The following FLII variants were observed in gnomAD, a reference collection of about 807,000 sequenced individuals.
The protein encoded by FLII is protein flightless-1 homolog.
In FLII, 101 loss-of-function variants were observed where a neutral mutation model predicts 156.2. That is an observed-to-expected ratio of 0.65 (90% CI 0.55 to 0.76). The LOEUF (loss-of-function observed/expected upper bound fraction) is 0.76, where lower values mean the gene tolerates loss of function less well. FLII is among the 30% of genes least tolerant of loss of function. FLII has a pLI of 0.00. For synonymous variants in FLII, 767 were observed against 685.8 expected, an observed-to-expected ratio of 1.12 and a Z score of -1.85; for missense variants, 1,675 against 1,682.8, an observed-to-expected ratio of 1.00 and a Z score of 0.08.
intron 21 of FLII, 46 bp downstream of exon 21, chr17:18,247,123 G>GCCC (rs765734701): frequency 8.0e-5 from 100 of 1,249,120 alleles, no homozygotes; most frequent in Admixed American, 2.1e-4. Flanking sequence ...CCCTCGGCCT[G>GCCC]CCCCCCACCC....
chr17:18,256,592 G>A lies in FLII; in HGVS notation c.180C>T (p.His60=), dbSNP rs201436829. ...TCAGGTTGTTGTGGCTCACAGACAA[G>A]TGTTCCTGGGCCGGAATGGGGAGCA... The part of the protein sequence containing the change: ...EELAALQKLE[H]LSVSHNNLTT... The change falls in exon 3 of 30, where the codon CAC becomes CAT. Residue 60 remains histidine (H), a synonymous_variant. Transcript: ENST00000327031. 1.0e-5 allele frequency: 16 copies of A among 1,551,652 alleles called. No individual in the cohort carries two copies. In the East Asian group the frequency reaches 3.7e-4, roughly 36 times the overall value.
In FLII at chr17:18,258,365, T is replaced by G; in HGVS notation, c.63+263A>C. 4.5e-6 allele frequency: 4 copies of G among 897,308 alleles called. No individual in the cohort carries two copies. Among genetic ancestry groups the G allele is most frequent in the Non-Finnish European group, 6.6e-6 (4 of 607,762 alleles). The allele number at this position is 897,308 out of a possible 1,614,324, so 55.6% of individuals were successfully genotyped here. A position where few individuals can be genotyped will look rare whatever the true frequency, so the allele number is the denominator to read the frequency against. On this transcript the variant is annotated intron_variant, in intron 1 of 29. Coordinates refer to ENST00000327031, the MANE Select transcript of FLII (RefSeq NM_002018.4). The surrounding 1 kb of genome is among the most constrained non-coding windows in gnomAD (Gnocchi z 4.2). ...CTAGACCGAGAACACGGACGCGGGG[T>G]GGGGGCTCCCGGCCGGGCCCCCGGC...
chr17:18,258,538 G>A lies in FLII; in HGVS notation c.63+90C>T, dbSNP rs2048498524. On this transcript the variant is annotated intron_variant, in intron 1 of 29. Transcript: ENST00000327031. This position sits in a 1 kb window ranked among gnomAD's most constrained non-coding sequence, Gnocchi z 4.2. ...CAGTCCCTGGGACACGCAGGGCCTGGAGCCGAGCGGGACAGGAAGCGGAGG... is the reference window on the plus strand; with the variant it reads ...CAGTCCCTGGGACACGCAGGGCCTGAAGCCGAGCGGGACAGGAAGCGGAGG... 12 of 1,516,824 alleles carry A rather than the reference G, an allele frequency of 7.9e-6. No homozygotes were observed. Among genetic ancestry groups the A allele is most frequent in the Non-Finnish European group, 9.7e-6 (11 of 1,139,348 alleles). 94.0% of individuals were successfully genotyped at this position (1,516,824 alleles called of 1,614,324 possible).
In FLII at chr17:18,246,138, C is replaced by T. The variant is rs376365504; in HGVS notation, c.3267+24G>A. The stretch of plus-strand genomic sequence containing the variant: ...CACCCCACCCCTTGGTCCACGGAGT[C>T]CTGGCTCACACCCACAACCCCACCT... On this transcript the variant is annotated intron_variant, in intron 25 of 29. Transcript: ENST00000327031. 1.7e-5 allele frequency: 28 copies of T among 1,614,170 alleles called. 1 individual carries two copies. In the African/African-American group the frequency reaches 3.6e-4, roughly 21 times the overall value.
intron 18 of FLII, 24 bp downstream of exon 18, chr17:18,248,526 G>C: frequency 6.3e-7 from 1 of 1,579,552 alleles, no homozygotes. Flanking sequence ...GGAGGCCAAG[G>C]TGGGCCTCAG....
At position 18,254,193 on chromosome 17, in the gene FLII, G is replaced by C. The variant is rs755642491; in HGVS notation, c.576-11C>G. 2 of 1,596,386 alleles carry C rather than the reference G, an allele frequency of 1.3e-6. No individual in the cohort carries two copies. The highest frequency in any genetic ancestry group is 2.2e-5 in the South Asian group (2 of 89,362). On this transcript the variant is annotated splice_polypyrimidine_tract_variant and intron_variant, in intron 6 of 29. Coordinates refer to ENST00000327031, the MANE Select transcript of FLII (RefSeq NM_002018.4). ...ATCGCTGGGAGCTGCCTGCCAGGGT[G>C]ACGTGAGTGGTCAGGGCCAGGGCCC...
intron 10 of FLII, 41 bp downstream of exon 10, chr17:18,252,431 G>C: frequency 6.3e-7 from 1 of 1,580,528 alleles, no homozygotes; most frequent in African/African-American, 1.3e-5. Flanking sequence ...CACACCCCTT[G>C]CTTGTCTCTC....
Position 18,258,394 on chromosome 17 carries a change from A to C in FLII, c.63+234T>G. 8.0e-7 allele frequency: 1 copy of C among 1,243,364 alleles called. No homozygotes were observed. 77.0% of individuals were successfully genotyped at this position (1,243,364 alleles called of 1,614,324 possible). A position where few individuals can be genotyped will look rare whatever the true frequency, so the allele number is the denominator to read the frequency against. On this transcript the variant is annotated intron_variant, in intron 1 of 29. Transcript: ENST00000327031. The surrounding 1 kb of genome is among the most constrained non-coding windows in gnomAD (Gnocchi z 4.2). The stretch of plus-strand genomic sequence containing the variant: ...GGCTCCCGGCCGGGCCCCCGGCGGG[A>C]CTCCGAGCCCAAGCGTCCGTCCCCG...
rs2048482148 is a variant in FLII, at chr17:18,258,141, G to T, written c.63+487C>A. 6.6e-6 allele frequency among the ~76,000 whole-genome samples: 1 copy of T among 152,256 alleles called. No individual in the cohort carries two copies. Among genetic ancestry groups the T allele is most frequent in the Non-Finnish European group, 1.5e-5 (1 of 68,042 alleles). ...CCCTTCACCGGCTGAGAAAGCCTAG[G>T]CTCTGAGAGGGGAAGTGATCTGAGA... On this transcript the variant is annotated intron_variant, in intron 1 of 29. Coordinates refer to ENST00000327031, the MANE Select transcript of FLII (RefSeq NM_002018.4). This position sits in a 1 kb window ranked among gnomAD's most constrained non-coding sequence, Gnocchi z 4.2.
rs1370015912 is a variant in FLII at position 18,251,353 on chromosome 17, A to G, written c.1508T>C (p.Ile503Thr). ...AGGCACGAAGTTCTCTATCTGCCAG[A>G]TGGTCAGTCCGGGCAGCTGGCCCAC... ...EDVGQLPGLT[I>T]WQIENFVPVL... is the part of the protein sequence containing the mutation. The change falls in exon 13 of 30, where the codon ATC (isoleucine) becomes ACC (threonine). Residue 503 changes from isoleucine (I) to threonine (T), a missense_variant. By Grantham distance (89) the Ile-to-Thr change is moderately conservative (BLOSUM62 -1). This residue lies in a region of FLII where 1,332 missense variants were observed against 1,269.3 expected (regional missense o/e 1.05). Transcript: ENST00000327031. The G allele has an allele frequency of 2.5e-6, 4 of 1,613,700 alleles. No homozygotes were observed. The highest frequency in any genetic ancestry group is 2.2e-5 in the South Asian group (2 of 91,086).
chr17:18,246,132 C>T (rs1014036905), intron 25 of FLII, 30 bp downstream of exon 25: 6 of 1,614,158 alleles, frequency 3.7e-6, no homozygotes, highest in East Asian at 2.2e-5. Context: ...CCTTGGTCCA[C>T]GGAGTCCTGG....
chr17:18,246,747 T>C lies in FLII; in HGVS notation c.2898A>G (p.Glu966=). 1.9e-6 allele frequency: 3 copies of C among 1,613,798 alleles called. No homozygotes were observed. The highest frequency in any genetic ancestry group is 4.5e-5 in the East Asian group (2 of 44,866). Residue 966 remains glutamate, a synonymous_variant, in exon 23 of 30, where the codon GAA becomes GAG. Transcript: ENST00000327031. ...EEKAEGKEGE[E]ATAEAEEKQP... is the part of the protein sequence containing the mutation. The stretch of plus-strand genomic sequence containing the variant: ...GCTTCTCCTCTGCCTCAGCGGTTGC[T>C]TCCTCGCCTTCTTTGCCCTCGGCCT...
Position 18,246,296 on chromosome 17 carries a change from C to A in FLII, c.3206+12G>T. The A allele has an allele frequency of 1.2e-6, 2 of 1,613,960 alleles. No individual in the cohort carries two copies. The highest frequency in any genetic ancestry group is 1.1e-5 in the South Asian group (1 of 91,084). ...CGCTTGCTCGCCACTGCGTCCTCCCCCAGCCAGGCACCGGGTGCAGAGGGC... is the reference window on the plus strand; with the variant it reads ...CGCTTGCTCGCCACTGCGTCCTCCCACAGCCAGGCACCGGGTGCAGAGGGC... On this transcript the variant is annotated intron_variant, in intron 24 of 29. Transcript: ENST00000327031.
At chr17:18,248,195 G>A (rs1176221488) in intron 18 of FLII, among the ~76,000 whole-genome samples, 162 bp from the exon 19 acceptor site, 1 of 152,142 alleles carries the variant, frequency 6.6e-6, no homozygotes, top group Non-Finnish European at 1.5e-5. Flanking sequence ...CTTTCAGAAG[G>A]GCTTTTAAAT....
intron 25 of FLII, 36 bp from the exon 26 acceptor site, chr17:18,246,098 G>C (rs2048040851): frequency 2.5e-6 from 4 of 1,614,100 alleles, no homozygotes; most frequent in Non-Finnish European, 3.4e-6. Context: ...GTTCGCAGCT[G>C]ACTCAGCCCC....
rs200445567 is a variant in FLII, at chr17:18,248,661, C to T, written c.2079G>A (p.Leu693=). The T allele has an allele frequency of 1.3e-4, 209 of 1,614,044 alleles. 1 individual carries two copies. The highest frequency in any genetic ancestry group is 3.4e-6 in the Non-Finnish European group (4 of 1,179,970). The change falls in exon 18 of 30, where the codon CTG becomes CTA. Residue 693 remains leucine, a synonymous_variant. Transcript: ENST00000327031. The part of the protein sequence containing the change: ...ERKGKAEITL[L]VQGQELPEFW... The stretch of plus-strand genomic sequence containing the variant: ...ACTCTGGGAGCTCCTGGCCCTGCAC[C>T]AGCAGTGTGATCTCAGCCTTCCCTT...
rs747048821 is a variant in FLII, at chr17:18,252,076, T to TACC, written c.1166_1168dup (p.Trp389dup). The TACC allele has an allele frequency of 6.2e-7, 1 of 1,613,444 alleles. No homozygotes were observed. The highest frequency in any genetic ancestry group is 1.1e-5 in the South Asian group (1 of 91,090). The stretch of plus-strand genomic sequence containing the variant: ...GTTCTGCAGCGAGAAGTCGATGTTG[T>TACC]ACCACTCAGCGGCACGGTCTGCGGG... On this transcript the variant is annotated inframe_insertion, in exon 11 of 30. Transcript: ENST00000327031.
Position 18,258,346 on chromosome 17 carries a change from C to A in FLII, c.63+282G>T. 1.3e-6 allele frequency: 1 copy of A among 763,830 alleles called. No individual in the cohort carries two copies. The highest frequency in any genetic ancestry group is 1.8e-5 in the South Asian group (1 of 55,010). The allele number at this position is 763,830 out of a possible 1,614,324, so 47.3% of individuals were successfully genotyped here. The stretch of plus-strand genomic sequence containing the variant: ...CCCCAGGCCACCATCCAGCCTAGAC[C>A]GAGAACACGGACGCGGGGTGGGGGC... On this transcript the variant is annotated intron_variant, in intron 1 of 29. Transcript: ENST00000327031. The surrounding 1 kb of genome is among the most constrained non-coding windows in gnomAD (Gnocchi z 4.2).
rs1029236165 is a variant in FLII, at chr17:18,247,570, C to T, written c.2487+87G>A. The T allele has an allele frequency of 2.8e-5, 37 of 1,300,332 alleles. No homozygotes were observed. The South Asian group carries it at 5.3e-4, about 19-fold the overall frequency. 80.5% of individuals were successfully genotyped at this position (1,300,332 alleles called of 1,614,324 possible). A position where few individuals can be genotyped will look rare whatever the true frequency, so the allele number is the denominator to read the frequency against. ...AGAGGAGGTGGGTTTGGGCCCAGCT[C>T]TGTAGGGAGGTAGTGAAGCCACAGG... On this transcript the variant is annotated intron_variant, in intron 20 of 29. Coordinates refer to ENST00000327031, the MANE Select transcript of FLII (RefSeq NM_002018.4).
Sources: gnomAD v4.1 joint callset for allele counts (sites outside exome capture counted in the v4.1 genomes callset) on GRCh38, gnomAD v4.1.1 for gene constraint, gnomAD v4.1.1 regional missense constraint, Gnocchi (gnomAD v3.1) non-coding constraint, MANE v1.5 for transcripts, NCBI Gene and HGNC (gene_info 2026-07-23, HGNC 2026-07-21) for gene names.